The following MRPS11 variants were observed in gnomAD, a reference collection of about 807,000 sequenced individuals.
MRPS11 encodes mitochondrial ribosomal protein S11.
In MRPS11, 27 loss-of-function variants were observed where a neutral mutation model predicts 24.3. That is an observed-to-expected ratio of 1.11 (90% confidence interval 0.82 to 1.53). The LOEUF (loss-of-function observed/expected upper bound fraction) is 1.53, where lower values mean the gene tolerates loss of function less well. Among genes scored for constraint, MRPS11 ranks in the 40% most tolerant of loss-of-function variants. The probability of loss-of-function intolerance (pLI) is 0.00; values close to 1 mark genes in which losing one functional copy is unlikely to be tolerated. For synonymous variants in MRPS11, 104 were observed against 98.7 expected (o/e 1.05, Z -0.32); for missense variants, 277 against 256.5 (o/e 1.08, Z -0.55).
Position 88,479,632 on chromosome 15 carries a change from C to T in MRPS11, c.*1653C>T, listed in dbSNP as rs1197890756. 2 of 152,208 alleles carry T rather than the reference C, an allele frequency of 1.3e-5. No homozygotes were observed. The allele number at this position is 152,208 out of a possible 1,614,324, so 9.4% of individuals were successfully genotyped here. Reference sequence around the variant, plus strand: ...GTGACCAAAGAAGCCCAACCGGAGGCTTCTTGGATCAAAGCCACTGTCGGA... The same window carrying T: ...GTGACCAAAGAAGCCCAACCGGAGGTTTCTTGGATCAAAGCCACTGTCGGA... On this transcript the variant is annotated 3_prime_UTR_variant, in exon 6 of 6. Coordinates refer to ENST00000325844, the MANE Select transcript of MRPS11 (RefSeq NM_022839.5).
At position 88,469,476 on chromosome 15, in the gene MRPS11, G is replaced by A. The variant is rs773092079; in HGVS notation, c.182+1452G>A. On this transcript the variant is annotated intron_variant, in intron 2 of 5. Transcript: ENST00000325844. The surrounding 1 kb of genome is among the most constrained non-coding windows in gnomAD (Gnocchi z 4.4). ...ACAGTAAATAGAAAACAAGTAAAATGTAGGAGTATAACGGTTGGAAAGGGG... is the reference window on the plus strand; with the variant it reads ...ACAGTAAATAGAAAACAAGTAAAATATAGGAGTATAACGGTTGGAAAGGGG... Among the ~76,000 whole-genome samples the A allele has an allele frequency of 3.9e-5, 6 of 152,192 alleles. No individual in the cohort carries two copies. Among genetic ancestry groups the A allele is most frequent in the Non-Finnish European group, 7.3e-5 (5 of 68,036 alleles).
chr15:88,476,995 A>G lies in MRPS11; in HGVS notation c.418A>G (p.Lys140Glu). ...CCACTCTGCTTCTCTCCAGAGAGCT[A>G]AACAAAAGGGCGTGATCCACATCCG... ...TAGIAAAARA[K>E]QKGVIHIRVV... is the part of the protein sequence containing the mutation. The change falls in exon 5 of 6, where the codon AAA becomes GAA. Residue 140 changes from lysine to glutamate, a missense_variant. Coordinates refer to ENST00000325844, the MANE Select transcript of MRPS11 (RefSeq NM_022839.5). 2 of 1,613,914 alleles carry G rather than the reference A, an allele frequency of 1.2e-6. No homozygotes were observed. Among genetic ancestry groups the G allele is most frequent in the Non-Finnish European group, 1.7e-6 (2 of 1,179,964 alleles).
rs1205176894 is a variant in MRPS11 at position 88,478,603 on chromosome 15, C to G, written c.*624C>G. ...CAAGTGGACAGTCAAACTCCCCACA[C>G]TAAAGTGGCAGTCATCGTTTACACT... On this transcript the variant is annotated 3_prime_UTR_variant, in exon 6 of 6. Transcript: ENST00000325844. This position sits in a 1 kb window ranked among gnomAD's most constrained non-coding sequence, Gnocchi z 4.7. The G allele has an allele frequency of 1.3e-5, 2 of 153,850 alleles. No homozygotes were observed. The highest frequency in any genetic ancestry group is 2.9e-5 in the Non-Finnish European group (2 of 69,292). 9.5% of individuals were successfully genotyped at this position (153,850 alleles called of 1,614,324 possible).
intron 2 of MRPS11, chr15:88,472,271 A>G: frequency 5.4e-6 from 1 of 185,762 alleles, no homozygotes; most frequent in South Asian, 1.1e-4. Context: ...GAAATAAGAA[A>G]CAGAGGTTTG....
In MRPS11 at chr15:88,476,997, A is replaced by C; in HGVS notation, c.420A>C (p.Lys140Asn). 1 of 1,613,968 alleles carries C rather than the reference A, an allele frequency of 6.2e-7. No homozygotes were observed. Among genetic ancestry groups the C allele is most frequent in the Non-Finnish European group, 8.5e-7 (1 of 1,179,960 alleles). The part of the protein sequence containing the change: ...TAGIAAAARA[K>N]QKGVIHIRVV... ...ACTCTGCTTCTCTCCAGAGAGCTAA[A>C]CAAAAGGGCGTGATCCACATCCGAG... is the stretch of plus-strand genomic sequence containing the variant. Residue 140 changes from lysine (K) to asparagine (N), a missense_variant, in exon 5 of 6, where the codon AAA becomes AAC. By Grantham distance (94) the Lys-to-Asn change is moderately conservative. Transcript: ENST00000325844.
rs74031303 is a variant in MRPS11, at chr15:88,472,805, A to C, written c.281+80A>C. 7,563 of 1,193,968 alleles carry C rather than the reference A, an allele frequency of 6.3e-3. 395 individuals are homozygous for C. The African/African-American group carries it at 0.1, about 16-fold the overall frequency. 74.0% of individuals were successfully genotyped at this position (1,193,968 alleles called of 1,614,324 possible). ...CAGGGAAAGTCAGGCTTGGCCCTGAATACCCCGGGGTAGAAGTGAGGGTGC... is the reference window on the plus strand; with the variant it reads ...CAGGGAAAGTCAGGCTTGGCCCTGACTACCCCGGGGTAGAAGTGAGGGTGC... On this transcript the variant is annotated intron_variant, in intron 3 of 5. Coordinates refer to ENST00000325844, the MANE Select transcript of MRPS11 (RefSeq NM_022839.5).
intron 2 of MRPS11, chr15:88,468,575 G>A (rs1433405956): frequency 3.3e-6 from 3 of 906,534 alleles, no homozygotes; most frequent in South Asian, 5.0e-5. Context: ...GCTAGGTGCC[G>A]TGAATACAGA....
chr15:88,468,377 G>C (rs540163125), intron 2 of MRPS11: 1 of 1,118,160 alleles, frequency 8.9e-7, no homozygotes, highest in South Asian at 2.3e-5. Context: ...GGTAGAGGGC[G>C]CTAGCGATGG....
chr15:88,480,221 T>C lies in MRPS11; in HGVS notation c.*2242T>C, dbSNP rs1254121594. ...TAAGTCCTCCATACACCATAGGTTTTTATTTTGGTTTTGGTTTTTGAGTCT... is the reference window on the plus strand; with the variant it reads ...TAAGTCCTCCATACACCATAGGTTTCTATTTTGGTTTTGGTTTTTGAGTCT... On this transcript the variant is annotated 3_prime_UTR_variant, in exon 6 of 6. Transcript: ENST00000325844. This position sits in a 1 kb window ranked among gnomAD's most constrained non-coding sequence, Gnocchi z 5.1. The C allele has an allele frequency of 6.6e-6, 1 of 152,164 alleles. No homozygotes were observed. Among genetic ancestry groups the C allele is most frequent in the East Asian group, 1.9e-4 (1 of 5,194 alleles). The allele number at this position is 152,164 out of a possible 1,614,324, so 9.4% of individuals were successfully genotyped here.
At chr15:88,472,379 A>G (rs1482718710) in intron 2 of MRPS11, 1 of 409,912 alleles carries the variant, frequency 2.4e-6, no homozygotes, top group Non-Finnish European at 4.5e-6. Flanking sequence ...GGGAGTATGC[A>G]TGAAAATCCC....
In MRPS11 at chr15:88,480,327, G is replaced by C. The variant is rs567608775; in HGVS notation, c.*2348G>C. On this transcript the variant is annotated 3_prime_UTR_variant, in exon 6 of 6. Transcript: ENST00000325844. The surrounding 1 kb of genome is among the most constrained non-coding windows in gnomAD (Gnocchi z 5.1). ...ACTCCTGGGCTCAAGTGATCCTCCA[G>C]CTTCAGCCTCCTGTGAGCATCTGGG... The C allele has an allele frequency of 7.2e-5, 11 of 152,336 alleles. No individual in the cohort carries two copies. In the East Asian group the frequency reaches 2.1e-3, roughly 29 times the overall value. The allele number at this position is 152,336 out of a possible 1,614,324, so 9.4% of individuals were successfully genotyped here.
In MRPS11 at chr15:88,477,275, C is replaced by G. The variant is rs1218177840; in HGVS notation, c.477+221C>G. The stretch of plus-strand genomic sequence containing the variant: ...CACTGAGTGCCTGCTGCGTGCCACG[C>G]ACTGGGAATGGGAAGGTGGTTCCTG... On this transcript the variant is annotated intron_variant, in intron 5 of 5. Transcript: ENST00000325844. The surrounding 1 kb of genome is among the most constrained non-coding windows in gnomAD (Gnocchi z 5.7). 6.6e-6 allele frequency among the ~76,000 whole-genome samples: 1 copy of G among 152,218 alleles called. No individual in the cohort carries two copies. Among genetic ancestry groups the G allele is most frequent in the Non-Finnish European group, 1.5e-5 (1 of 68,034 alleles).
Position 88,472,500 on chromosome 15 carries a change from A to T in MRPS11, c.183-127A>T, listed in dbSNP as rs548412246. On this transcript the variant is annotated intron_variant, in intron 2 of 5. Transcript: ENST00000325844. ...GTGGCACCAGAAGGACTGAAAAGGA[A>T]TGGTGGGGGCAGCCACTTAAGAAGC... 2.0e-5 allele frequency: 14 copies of T among 687,176 alleles called. No homozygotes were observed. The East Asian group carries it at 3.4e-4, about 17-fold the overall frequency. The allele number at this position is 687,176 out of a possible 1,614,324, so 42.6% of individuals were successfully genotyped here. A position where few individuals can be genotyped will look rare whatever the true frequency, so the allele number is the denominator to read the frequency against.
Position 88,478,143 on chromosome 15 carries a change from G to C in MRPS11, c.*164G>C. The stretch of plus-strand genomic sequence containing the variant: ...ACAGTGGCCTTTGCTTGCACCTCCA[G>C]CTGGAGATGGGTGTGCCCCAGAAGT... On this transcript the variant is annotated 3_prime_UTR_variant, in exon 6 of 6. Transcript: ENST00000325844. The surrounding 1 kb of genome is among the most constrained non-coding windows in gnomAD (Gnocchi z 4.7). 2 of 616,074 alleles carry C rather than the reference G, an allele frequency of 3.2e-6. No individual in the cohort carries two copies. Among genetic ancestry groups the C allele is most frequent in the Non-Finnish European group, 2.9e-6 (1 of 346,776 alleles). 38.2% of individuals were successfully genotyped at this position (616,074 alleles called of 1,614,324 possible). A position where few individuals can be genotyped will look rare whatever the true frequency, so the allele number is the denominator to read the frequency against.
At position 88,478,131 on chromosome 15, in the gene MRPS11, C is replaced by T; in HGVS notation, c.*152C>T. 1.6e-6 allele frequency: 1 copy of T among 628,606 alleles called. No individual in the cohort carries two copies. The highest frequency in any genetic ancestry group is 2.7e-5 in the East Asian group (1 of 36,370). The allele number at this position is 628,606 out of a possible 1,614,324, so 38.9% of individuals were successfully genotyped here. On this transcript the variant is annotated 3_prime_UTR_variant, in exon 6 of 6. Transcript: ENST00000325844. The surrounding 1 kb of genome is among the most constrained non-coding windows in gnomAD (Gnocchi z 4.7). ...TTGCCTCCTTACACAGTGGCCTTTG[C>T]TTGCACCTCCAGCTGGAGATGGGTG...
At position 88,480,755 on chromosome 15, in the gene MRPS11, A is replaced by G. The variant is rs763163183; in HGVS notation, c.*2776A>G. On this transcript the variant is annotated 3_prime_UTR_variant, in exon 6 of 6. Transcript: ENST00000325844. The surrounding 1 kb of genome is among the most constrained non-coding windows in gnomAD (Gnocchi z 5.1). ...GTGGTTTCCAGGCTCTGAGTGGCCAATAAAGCTGGTGCTGTCTTAAACTGT... is the reference window on the plus strand; with the variant it reads ...GTGGTTTCCAGGCTCTGAGTGGCCAGTAAAGCTGGTGCTGTCTTAAACTGT... 3 of 152,180 alleles carry G rather than the reference A, an allele frequency of 2.0e-5. No individual in the cohort carries two copies. The highest frequency in any genetic ancestry group is 4.4e-5 in the Non-Finnish European group (3 of 68,044). 9.4% of individuals were successfully genotyped at this position (152,180 alleles called of 1,614,324 possible).
rs201980995 is a variant in MRPS11 at position 88,467,743 on chromosome 15, C to G, written c.26C>G (p.Ser9Trp). 1.9e-6 allele frequency: 3 copies of G among 1,614,034 alleles called. No individual in the cohort carries two copies. Among genetic ancestry groups the G allele is most frequent in the East Asian group, 2.2e-5 (1 of 44,854 alleles). The change falls in exon 1 of 6, where the codon TCG becomes TGG. Residue 9 changes from serine to tryptophan, a missense_variant. Physicochemically the swap from Ser to Trp is radical, Grantham distance 177 (BLOSUM62 -3). Transcript: ENST00000325844. The stretch of plus-strand genomic sequence containing the variant: ...ATGCAGGCTGTGAGAAACGCGGGGT[C>G]GCGGTTCCTGCGGTCCTGGACTTGG... MQAVRNAG[S>W]RFLRSWTWPQ...
chr15:88,473,124 A>G (rs1336488532), intron 3 of MRPS11, among the ~76,000 whole-genome samples: 1 of 152,252 alleles, frequency 6.6e-6, no homozygotes, highest in African/African-American at 2.4e-5. Context: ...ATTTATTAAT[A>G]CACTAACCAG....
At chr15:88,472,565 G>T in intron 2 of MRPS11, 62 bp from the exon 3 acceptor site, 1 of 1,380,290 alleles carries the variant, frequency 7.2e-7, no homozygotes. Flanking sequence ...ACCATGTGTT[G>T]TATTTCTTTG....
Sources: allele counts gnomAD v4.1 joint callset (sites outside exome capture counted in the v4.1 genomes callset), GRCh38; gene constraint gnomAD v4.1.1; non-coding constraint Gnocchi (gnomAD v3.1); transcripts MANE v1.5; gene names NCBI Gene and HGNC (gene_info 2026-07-23, HGNC 2026-07-21).